Variants in PITPNC1 observed in about 807,000 individuals in gnomAD.
The protein encoded by PITPNC1 is phosphatidylinositol transfer protein cytoplasmic 1, also known as cytoplasmic phosphatidylinositol transfer protein 1.
PITPNC1 carries 18 observed loss-of-function variants against 44.7 expected under a neutral mutation model. The observed-to-expected ratio is 0.40, with a 90% confidence interval of 0.28 to 0.60. The LOEUF (loss-of-function observed/expected upper bound fraction) is 0.60. Among genes scored for constraint, PITPNC1 ranks in the 20% least tolerant of loss-of-function variants. The pLI is 0.39. For synonymous variants in PITPNC1, 141 were observed against 149.6 expected (o/e 0.94, Z 0.42); for missense variants, 290 against 418.4 (o/e 0.69, Z 2.68).
intron 6 of PITPNC1, among the ~76,000 whole-genome samples, chr17:67,653,646 CAT>C (rs1274161280): frequency 6.6e-6 from 1 of 152,228 alleles, no homozygotes; most frequent in African/African-American, 2.4e-5. Flanking sequence ...ACACATATCA[CAT>C]GTTAGATTTC....
intron 1 of PITPNC1, among the ~76,000 whole-genome samples, chr17:67,386,998 C>G (rs2038063961): frequency 6.6e-6 from 1 of 152,162 alleles, no homozygotes; most frequent in African/African-American, 2.4e-5. Flanking sequence ...AAATATATTA[C>G]AAATATTAAA....
rs1412495305 is a variant in PITPNC1, at chr17:67,580,101, C to CA, written c.366+1846dup. On this transcript the variant is annotated intron_variant, in intron 5 of 8. Coordinates refer to ENST00000581322, the MANE Select transcript of PITPNC1 (RefSeq NM_012417.4). ...ATTATGGACAAATTTATTTTTTAAC[C>CA]AATTCCTCCTGAATTGAATCATATA... Among the ~76,000 whole-genome samples, 2 of 152,146 alleles carry CA rather than the reference C, an allele frequency of 1.3e-5. 1 individual carries two copies. The highest frequency in any genetic ancestry group is 4.1e-4 in the South Asian group (2 of 4,828).
intron 5 of PITPNC1, among the ~76,000 whole-genome samples, chr17:67,626,617 A>G (rs1366283344): frequency 6.6e-6 from 1 of 152,096 alleles, no homozygotes; most frequent in African/African-American, 2.4e-5. Context: ...TGATCTGCCC[A>G]CCTGGCCTCT....
chr17:67,384,758 C>T (rs2038016666), intron 1 of PITPNC1, among the ~76,000 whole-genome samples: 1 of 152,212 alleles, frequency 6.6e-6, no homozygotes, highest in Non-Finnish European at 1.5e-5. Context: ...TCCTGAAATG[C>T]ATCTGCAAAC....
chr17:67,651,329 A>C (rs2042207189), intron 6 of PITPNC1, among the ~76,000 whole-genome samples: 1 of 152,154 alleles, frequency 6.6e-6, no homozygotes, highest in East Asian at 1.9e-4. Context: ...CCTGGCCAAC[A>C]TGGCGAAACC....
intron 6 of PITPNC1, among the ~76,000 whole-genome samples, chr17:67,661,486 G>A (rs1215382072): frequency 6.6e-6 from 1 of 152,046 alleles, no homozygotes; most frequent in Admixed American, 6.6e-5. Context: ...CTGTCTTCCT[G>A]CAACAGAGAC....
intron 1 of PITPNC1, among the ~76,000 whole-genome samples, chr17:67,443,430 T>C (rs972495901): frequency 5.3e-5 from 8 of 151,970 alleles, no homozygotes; most frequent in African/African-American, 1.9e-4. Context: ...TCTTGGTGGT[T>C]GCATTCATTT....
At chr17:67,415,240 A>G (rs955713485) in intron 1 of PITPNC1, among the ~76,000 whole-genome samples, 8 of 152,016 alleles carry the variant, frequency 5.3e-5, no homozygotes, top group Non-Finnish European at 7.4e-5. Context: ...GTCAAATTCT[A>G]CCTACCCTTC....
intron 8 of PITPNC1, among the ~76,000 whole-genome samples, chr17:67,679,408 G>C (rs1411820614): frequency 1.3e-5 from 2 of 152,232 alleles, no homozygotes; most frequent in South Asian, 2.1e-4. Context: ...GGTGCTCTGG[G>C]CTTAGGGCTG....
chr17:67,379,984 G>A (rs2037932409), intron 1 of PITPNC1, among the ~76,000 whole-genome samples: 2 of 151,904 alleles, frequency 1.3e-5, no homozygotes, highest in South Asian at 2.1e-4. Flanking sequence ...TTTTTGTACC[G>A]AAATACCCAC....
At chr17:67,548,362 G>A (rs951920038) in intron 2 of PITPNC1, among the ~76,000 whole-genome samples, 1 of 152,166 alleles carries the variant, frequency 6.6e-6, no homozygotes, top group Non-Finnish European at 1.5e-5. Context: ...AGGCCAAGGC[G>A]GGTGGATCAC....
chr17:67,607,273 TCTC>T (rs1425526599), intron 5 of PITPNC1, among the ~76,000 whole-genome samples: 2 of 152,204 alleles, frequency 1.3e-5, no homozygotes, highest in African/African-American at 4.8e-5. Flanking sequence ...CCTTCTGAAA[TCTC>T]AGCTTTCAGG....
chr17:67,425,189 G>GCGCACA (rs2038732795), intron 1 of PITPNC1, among the ~76,000 whole-genome samples: 1 of 41,612 alleles, frequency 2.4e-5, no homozygotes, highest in Admixed American at 2.2e-4. Context: ...CATGTTGTGC[G>GCGCACA]CGCGCACGCA....
At chr17:67,591,782 G>A (rs1044958648) in intron 5 of PITPNC1, among the ~76,000 whole-genome samples, 38 of 152,074 alleles carry the variant, frequency 2.5e-4, no homozygotes, top group African/African-American at 7.2e-4. Flanking sequence ...CCATCACGGC[G>A]TACTGCAGCC....
chr17:67,671,996 A>T (rs2042522039), intron 7 of PITPNC1, among the ~76,000 whole-genome samples: 1 of 151,872 alleles, frequency 6.6e-6, no homozygotes, highest in Non-Finnish European at 1.5e-5. Flanking sequence ...GTGCAGTGAC[A>T]TGATCTCGGC....
intron 4 of PITPNC1, among the ~76,000 whole-genome samples, chr17:67,563,855 A>G (rs918605596): frequency 2.0e-5 from 3 of 152,158 alleles, no homozygotes; most frequent in Non-Finnish European, 4.4e-5. Context: ...GACAGAACCA[A>G]TGGTGGGGGA....
rs28465225 is a variant in PITPNC1 at position 67,435,463 on chromosome 17, C to T, written c.48+57261C>T. Reference sequence around the variant, plus strand: ...ATGCCTTCTTCCAGGCCCTGGGATGCAGGGACATAGCCACCAATGAGACAA... The same window carrying T: ...ATGCCTTCTTCCAGGCCCTGGGATGTAGGGACATAGCCACCAATGAGACAA... On this transcript the variant is annotated intron_variant, in intron 1 of 8. Transcript: ENST00000581322. 7.4e-3 allele frequency among the ~76,000 whole-genome samples: 1,134 copies of T among 152,318 alleles called. 21 individuals are homozygous for T. Among genetic ancestry groups the T allele is most frequent in the African/African-American group, 0.026 (1,091 of 41,568 alleles).
intron 8 of PITPNC1, among the ~76,000 whole-genome samples, chr17:67,683,932 T>C (rs1238327719): frequency 6.8e-6 from 1 of 148,044 alleles, no homozygotes; most frequent in Non-Finnish European, 1.5e-5. Context: ...GAGCTGAAAT[T>C]GCACCAGTGC....
intron 5 of PITPNC1, among the ~76,000 whole-genome samples, chr17:67,599,530 A>T (rs1187143206): frequency 6.6e-6 from 1 of 152,110 alleles, no homozygotes; most frequent in African/African-American, 2.4e-5. Context: ...GCACTCTGAG[A>T]GTTAGGAGAA....
Sources: gnomAD v4.1 joint callset for allele counts (sites outside exome capture counted in the v4.1 genomes callset) on GRCh38, gnomAD v4.1.1 for gene constraint, MANE v1.5 for transcripts, NCBI Gene and HGNC (gene_info 2026-07-23, HGNC 2026-07-21) for gene names.